Variants in AMPD2 observed in about 807,000 individuals in gnomAD.
The protein encoded by AMPD2 is AMP deaminase 2.
Under a neutral mutation model 91.3 loss-of-function variants are expected in AMPD2, and 52 were observed. That is an observed-to-expected ratio of 0.57 (90% confidence interval 0.46 to 0.72). AMPD2 has a LOEUF of 0.72. Among genes scored for constraint, AMPD2 ranks in the 30% least tolerant of loss-of-function variants. The probability of loss-of-function intolerance (pLI) is 0.00; values close to 1 mark genes in which losing one functional copy is unlikely to be tolerated. For missense variants in AMPD2, 822 were observed against 1,122.3 expected, an observed-to-expected ratio of 0.73 and a Z score of 3.82; for synonymous variants, 455 against 456.4, an observed-to-expected ratio of 1.00 and a Z score of 0.04.
chr1:109,629,314 G>A lies in AMPD2; in HGVS notation c.1699-13G>A, dbSNP rs767393545. 3.7e-6 allele frequency: 6 copies of A among 1,614,114 alleles called. No individual in the cohort carries two copies. The highest frequency in any genetic ancestry group is 5.1e-6 in the Non-Finnish European group (6 of 1,180,008). ...GCTGCAGCTCTGGTTCTGACCCCAGGGTTCTGTATTAGGTGGATGGTTTTG... is the reference window on the plus strand; with the variant it reads ...GCTGCAGCTCTGGTTCTGACCCCAGAGTTCTGTATTAGGTGGATGGTTTTG... On this transcript the variant is annotated splice_polypyrimidine_tract_variant and intron_variant, in intron 14 of 18. Transcript: ENST00000528667.
Position 109,621,133 on chromosome 1 carries a change from G to GT in AMPD2, c.-42dup, listed in dbSNP as rs758939284. On this transcript the variant is annotated 5_prime_UTR_variant, in exon 2 of 19. Transcript: ENST00000528667. Reference sequence around the variant, plus strand: ...ATGTGGCAGAGCCAGGCCCCAGCCGGTGCCGCTCAGACTCCCCCGCTGTCG... The same window carrying GT: ...ATGTGGCAGAGCCAGGCCCCAGCCGGTTGCCGCTCAGACTCCCCCGCTGTCG... 51 of 1,598,136 alleles carry GT rather than the reference G, an allele frequency of 3.2e-5. No homozygotes were observed. The highest frequency in any genetic ancestry group is 4.1e-5 in the Non-Finnish European group (48 of 1,172,158).
Position 109,627,480 on chromosome 1 carries a change from C to T in AMPD2, c.912C>T (p.Asp304=), listed in dbSNP as rs141396033. The change falls in exon 9 of 19, where the codon GAC becomes GAT. Residue 304 remains aspartate (D), a synonymous_variant. Transcript: ENST00000528667. ...PYPDLQEFVA[D]VNVLMALIIN... is the part of the protein sequence containing the mutation. ...CTGACCTGCAGGAATTTGTGGCTGACGTCAATGTGCTGATGGCCCTGATTA... is the reference window on the plus strand; with the variant it reads ...CTGACCTGCAGGAATTTGTGGCTGATGTCAATGTGCTGATGGCCCTGATTA... The T allele has an allele frequency of 1.7e-4, 267 of 1,614,054 alleles. 1 individual carries two copies. The East Asian group carries it at 5.0e-3, about 30-fold the overall frequency.
chr1:109,620,644 G>C, intron 1 of AMPD2: 14 of 1,205,996 alleles, frequency 1.2e-5, no homozygotes, highest in Non-Finnish European at 1.3e-5. Context: ...GTCAGATGTG[G>C]AAGGAAAGTG....
chr1:109,628,053 G>T lies in AMPD2; in HGVS notation c.1081-30G>T. ...AGGCCCCAGACCTTCCTGGCCTCTGGTGGATCAGCAGTGCCCTGTTCCATT... is the reference window on the plus strand; with the variant it reads ...AGGCCCCAGACCTTCCTGGCCTCTGTTGGATCAGCAGTGCCCTGTTCCATT... On this transcript the variant is annotated intron_variant, in intron 10 of 18. Transcript: ENST00000528667. The surrounding 1 kb of genome is among the most constrained non-coding windows in gnomAD (Gnocchi z 7.1). 1 of 1,606,124 alleles carries T rather than the reference G, an allele frequency of 6.2e-7. No individual in the cohort carries two copies. Among genetic ancestry groups the T allele is most frequent in the South Asian group, 1.1e-5 (1 of 90,292 alleles).
Position 109,625,541 on chromosome 1 carries a change from C to T in AMPD2, c.222+108C>T. The T allele has an allele frequency of 6.3e-7, 1 of 1,595,742 alleles. No individual in the cohort carries two copies. The highest frequency in any genetic ancestry group is 8.6e-7 in the Non-Finnish European group (1 of 1,168,082). On this transcript the variant is annotated intron_variant, in intron 3 of 18. Coordinates refer to ENST00000528667, the MANE Select transcript of AMPD2 (RefSeq NM_001368809.2). This position sits in a 1 kb window ranked among gnomAD's most constrained non-coding sequence, Gnocchi z 4.0. ...CCCTCACCTCACGCTTGGCTGTCTC[C>T]TGATCCTCAGCCTCTCCCAGGTACC... is the stretch of plus-strand genomic sequence containing the variant.
chr1:109,627,810 C>T lies in AMPD2; in HGVS notation c.987C>T (p.Ser329=). 1 of 1,614,158 alleles carries T rather than the reference C, an allele frequency of 6.2e-7. No homozygotes were observed. The highest frequency in any genetic ancestry group is 8.5e-7 in the Non-Finnish European group (1 of 1,180,010). ...GCTACCGCCGGCTGCAGTACCTGAGCTCCAAGTTCCAGATGCATGTGCTAC... is the reference window on the plus strand; with the variant it reads ...GCTACCGCCGGCTGCAGTACCTGAGTTCCAAGTTCCAGATGCATGTGCTAC... ...SFCYRRLQYL[S]SKFQMHVLLN... The change falls in exon 10 of 19, where the codon AGC becomes AGT. Residue 329 remains serine (S), a synonymous_variant. Transcript: ENST00000528667.
chr1:109,630,105 T>G, intron 16 of AMPD2, 128 bp from the exon 17 acceptor site: 1 of 1,338,952 alleles, frequency 7.5e-7, no homozygotes, highest in Non-Finnish European at 1.0e-6. Flanking sequence ...AATTCACCCT[T>G]TGCACATCAG....
At chr1:109,629,296 C>A (rs1224022755) in intron 14 of AMPD2, 31 bp from the exon 15 acceptor site, 1 of 1,613,912 alleles carries the variant, frequency 6.2e-7, no homozygotes, top group Non-Finnish European at 8.5e-7. Flanking sequence ...CCAGCTGCAG[C>A]TCTGGTTCTG....
chr1:109,631,157 G>A lies in AMPD2; in HGVS notation c.*5G>A. The A allele has an allele frequency of 1.3e-6, 2 of 1,570,446 alleles. No homozygotes were observed. Among genetic ancestry groups the A allele is most frequent in the Non-Finnish European group, 1.7e-6 (2 of 1,157,490 alleles). On this transcript the variant is annotated 3_prime_UTR_variant, in exon 19 of 19. Coordinates refer to ENST00000528667, the MANE Select transcript of AMPD2 (RefSeq NM_001368809.2). ...ATGAGCCCAGGGCCTCAATGAGCCT[G>A]GTCCATGAAGTGCCCACCACATCGC...
intron 2 of AMPD2, 86 bp downstream of exon 2, chr1:109,621,352 G>T (rs774611845): frequency 2.5e-6 from 3 of 1,185,584 alleles, no homozygotes; most frequent in Non-Finnish European, 3.4e-6. Context: ...CTCAGAGGGG[G>T]CCACCTCCTC....
At chr1:109,626,042 C>T in intron 4 of AMPD2, 118 bp from the exon 5 acceptor site, 1 of 1,246,684 alleles carries the variant, frequency 8.0e-7, no homozygotes, top group Non-Finnish European at 1.2e-6. Context: ...GGTTCTGCAG[C>T]TCTGCCTTTG....
Position 109,629,872 on chromosome 1 carries a change from T to C in AMPD2, c.1939T>C (p.Phe647Leu). 1 of 1,612,538 alleles carries C rather than the reference T, an allele frequency of 6.2e-7. No homozygotes were observed. The highest frequency in any genetic ancestry group is 8.5e-7 in the Non-Finnish European group (1 of 1,179,068). Residue 647 changes from phenylalanine to leucine, a missense_variant, in exon 16 of 19, where the codon TTC becomes CTC. This residue lies in a region of AMPD2 where 430 missense variants were observed against 606.0 expected (regional missense o/e 0.71). Transcript: ENST00000528667. ...GCCCATCCACCACCTGGTGTCAGCCTTCATGCTGGCTGAGAACATTTCCCA... is the reference window on the plus strand; with the variant it reads ...GCCCATCCACCACCTGGTGTCAGCCCTCATGCTGGCTGAGAACATTTCCCA... ...AGPIHHLVSA[F>L]MLAENISHGL... is the part of the protein sequence containing the mutation.
intron 1 of AMPD2, chr1:109,620,503 G>A: frequency 8.3e-7 from 1 of 1,201,198 alleles, no homozygotes; most frequent in Non-Finnish European, 1.1e-6. Flanking sequence ...GGGTCTCCTG[G>A]CCTTCCTGCC....
chr1:109,630,257 T>C lies in AMPD2; in HGVS notation c.2008T>C (p.Tyr670His). The change falls in exon 17 of 19, where the codon TAC becomes CAC. Residue 670 changes from tyrosine to histidine, a missense_variant. Tyr to His is a moderately conservative substitution (Grantham distance 83). Around this residue, in one of 5 missense-constraint regions of AMPD2, gnomAD observed 430 missense variants for 606.0 expected, o/e 0.71. Coordinates refer to ENST00000528667, the MANE Select transcript of AMPD2 (RefSeq NM_001368809.2). ...RKAPVLQYLY[Y>H]LAQIGIAMSP... is the part of the protein sequence containing the mutation. Reference sequence around the variant, plus strand: ...GGCCCCCGTCCTGCAGTACCTGTACTACCTGGCCCAGATCGGCATCGCCAT... The same window carrying C: ...GGCCCCCGTCCTGCAGTACCTGTACCACCTGGCCCAGATCGGCATCGCCAT... The C allele has an allele frequency of 6.2e-7, 1 of 1,613,494 alleles. No individual in the cohort carries two copies. Among genetic ancestry groups the C allele is most frequent in the Non-Finnish European group, 8.5e-7 (1 of 1,180,008 alleles).
Position 109,621,054 on chromosome 1 carries a change from G to T in AMPD2, c.-122G>T, listed in dbSNP as rs767199290. ...CAGGGCCTCTTCCGCCTGCGGAGCC[G>T]CTGCTTCCTGCATCAGTCACTCCCG... On this transcript the variant is annotated 5_prime_UTR_variant, in exon 2 of 19. Transcript: ENST00000528667. The T allele has an allele frequency of 6.2e-7, 1 of 1,605,868 alleles. No homozygotes were observed. Among genetic ancestry groups the T allele is most frequent in the Non-Finnish European group, 8.5e-7 (1 of 1,176,580 alleles).
In AMPD2 at chr1:109,622,335, A is replaced by G. The variant is rs1401886663; in HGVS notation, c.91+1069A>G. 3 of 455,508 alleles carry G rather than the reference A, an allele frequency of 6.6e-6. No homozygotes were observed. The East Asian group carries it at 2.1e-4, about 32-fold the overall frequency. The allele number at this position is 455,508 out of a possible 1,614,324, so 28.2% of individuals were successfully genotyped here. A position where few individuals can be genotyped will look rare whatever the true frequency, so the allele number is the denominator to read the frequency against. On this transcript the variant is annotated intron_variant, in intron 2 of 18. Coordinates refer to ENST00000528667, the MANE Select transcript of AMPD2 (RefSeq NM_001368809.2). ...ATACGGATCTAGCCCAGAGCTGGAG[A>G]CCCTTCGGTGGTCAGATGGTAAGAG...
At position 109,631,237 on chromosome 1, in the gene AMPD2, A is replaced by T. The variant is rs1651246308; in HGVS notation, c.*85A>T. ...CCCGCCCATGCTGTGTGGTCTCTGC[A>T]TGTCTCCATTCTTCTCTGTCTCTGT... On this transcript the variant is annotated 3_prime_UTR_variant, in exon 19 of 19. Transcript: ENST00000528667. 1 of 1,284,090 alleles carries T rather than the reference A, an allele frequency of 7.8e-7. No homozygotes were observed. Among genetic ancestry groups the T allele is most frequent in the Admixed American group, 2.0e-5 (1 of 50,026 alleles). The allele number at this position is 1,284,090 out of a possible 1,614,324, so 79.5% of individuals were successfully genotyped here.
At chr1:109,629,284 A>C (rs780258692) in intron 14 of AMPD2, 43 bp from the exon 15 acceptor site, 22 of 1,613,968 alleles carry the variant, frequency 1.4e-5, no homozygotes, top group Non-Finnish European at 1.9e-5. Context: ...CCGGCTTCGC[A>C]TCCAGCTGCA....
chr1:109,622,374 T>G, intron 2 of AMPD2: 1 of 449,378 alleles, frequency 2.2e-6, no homozygotes. Flanking sequence ...CTGATACTTG[T>G]GGGGTCAAAG....
Sources: gnomAD v4.1 joint callset for allele counts on GRCh38, gnomAD v4.1.1 for gene constraint, gnomAD v4.1.1 regional missense constraint, Gnocchi (gnomAD v3.1) non-coding constraint, MANE v1.5 for transcripts, NCBI Gene and HGNC (gene_info 2026-07-23, HGNC 2026-07-21) for gene names.